Variants in TMEM132B observed in about 807,000 individuals in gnomAD.
The protein encoded by TMEM132B is transmembrane protein 132B.
Under a neutral mutation model 90.8 loss-of-function variants are expected in TMEM132B, and 18 were observed. The ratio of observed to expected loss-of-function variants is 0.20; its 90% CI spans 0.14 to 0.29. The LOEUF is 0.29. Ranked by LOEUF, TMEM132B falls within the 10% of genes least tolerant of loss-of-function variation. TMEM132B has a pLI of 1.00. For missense variants in TMEM132B, 1,096 were observed against 1,326.8 expected (o/e 0.83, Z 2.70); for synonymous variants, 504 against 523.3 (o/e 0.96, Z 0.50).
At chr12:125,208,971 C>T (rs1353714129) in intron 1 of TMEM132B, among the ~76,000 whole-genome samples, 1 of 152,130 alleles carries the variant, frequency 6.6e-6, no homozygotes, top group Non-Finnish European at 1.5e-5. Flanking sequence ...GTAGCTGTGT[C>T]CCCTCTGAGT....
chr12:125,284,709 G>C (rs921312586), intron 1 of TMEM132B, among the ~76,000 whole-genome samples: 3 of 152,172 alleles, frequency 2.0e-5, no homozygotes, highest in Non-Finnish European at 4.4e-5. Flanking sequence ...CGATGCTGCA[G>C]TGTTCTTGTA....
At chr12:125,441,330 TA>T (rs1417960634) in intron 3 of TMEM132B, among the ~76,000 whole-genome samples, 2 of 152,040 alleles carry the variant, frequency 1.3e-5, no homozygotes, top group African/African-American at 2.4e-5. Context: ...CAAAGAAGAG[TA>T]TTTCTATATG....
chr12:125,349,869 C>G lies in TMEM132B; in HGVS notation c.485C>G (p.Pro162Arg), dbSNP rs1219169812. ...WDDSDLTEDL[P>R]CVKMFAFPEA... ...GACAGTGACCTTACGGAAGATCTAC[C>G]CTGTGTCAAGATGTTTGCTTTCCCT... Residue 162 changes from proline (P) to arginine (R), a missense_variant, in exon 2 of 9, where the codon CCC (proline) becomes CGC (arginine). By Grantham distance (103) the Pro-to-Arg change is moderately radical. Transcript: ENST00000682704. This position sits in a 1 kb window ranked among gnomAD's most constrained non-coding sequence, Gnocchi z 4.1. 1.9e-6 allele frequency: 3 copies of G among 1,614,014 alleles called. No homozygotes were observed. The highest frequency in any genetic ancestry group is 1.7e-6 in the Non-Finnish European group (2 of 1,179,988).
At chr12:125,480,931 C>T (rs1301559391) in intron 3 of TMEM132B, among the ~76,000 whole-genome samples, 9 of 152,098 alleles carry the variant, frequency 5.9e-5, no homozygotes, top group Non-Finnish European at 1.0e-4. Flanking sequence ...GGGCTTCATC[C>T]CTGGGATGCA....
chr12:125,483,151 G>A (rs889624756), intron 3 of TMEM132B, among the ~76,000 whole-genome samples: 7 of 151,954 alleles, frequency 4.6e-5, no homozygotes, highest in African/African-American at 1.5e-4. Context: ...TGTAAATGAC[G>A]AGTTAATGGG....
At chr12:125,543,310 TAAA>T (rs1884003228) in intron 4 of TMEM132B, among the ~76,000 whole-genome samples, 1 of 152,052 alleles carries the variant, frequency 6.6e-6, no homozygotes, top group Non-Finnish European at 1.5e-5. Context: ...AACTTAACAA[TAAA>T]AAATAATACA....
At chr12:125,418,517 CT>C (rs569222532) in intron 3 of TMEM132B, among the ~76,000 whole-genome samples, 2 of 152,078 alleles carry the variant, frequency 1.3e-5, no homozygotes, top group Admixed American at 1.3e-4. Context: ...CTTTTTATCC[CT>C]TTTTTTGTTG....
At chr12:125,636,269 C>G (rs143346193) in intron 5 of TMEM132B, among the ~76,000 whole-genome samples, 1 of 152,308 alleles carries the variant, frequency 6.6e-6, no homozygotes, top group African/African-American at 2.4e-5. Context: ...TGGTTACACT[C>G]AGTGCACCAT....
At chr12:125,315,793 G>A (rs757291293) in intron 1 of TMEM132B, among the ~76,000 whole-genome samples, 5 of 152,178 alleles carry the variant, frequency 3.3e-5, no homozygotes, top group Admixed American at 1.3e-4. Flanking sequence ...TCTAAAGATA[G>A]CAGTTGCTAC....
At chr12:125,234,372 C>G (rs921605416) in intron 1 of TMEM132B, among the ~76,000 whole-genome samples, 1 of 152,166 alleles carries the variant, frequency 6.6e-6, no homozygotes, top group Non-Finnish European at 1.5e-5. Context: ...AATGACTCAG[C>G]CCTGTGAACT....
intron 1 of TMEM132B, among the ~76,000 whole-genome samples, chr12:125,317,265 C>T (rs1876307606): frequency 6.6e-6 from 1 of 152,170 alleles, no homozygotes. Flanking sequence ...CGATTGGAAG[C>T]ACCTGGCCTG....
At chr12:125,378,330 G>T (rs549151055) in intron 2 of TMEM132B, among the ~76,000 whole-genome samples, 14 of 152,338 alleles carry the variant, frequency 9.2e-5, no homozygotes, top group African/African-American at 3.4e-4. Context: ...GCTGTGAGCT[G>T]ATATCAGCTG....
At chr12:125,599,306 TC>T (rs563717480) in intron 5 of TMEM132B, among the ~76,000 whole-genome samples, 304 of 152,304 alleles carry the variant, frequency 2.0e-3, no homozygotes, top group African/African-American at 7.2e-3. Context: ...TTGTGAGGCC[TC>T]CCCAGACATG....
intron 1 of TMEM132B, among the ~76,000 whole-genome samples, chr12:125,240,062 G>A (rs1332631248): frequency 6.6e-6 from 1 of 152,206 alleles, no homozygotes; most frequent in Non-Finnish European, 1.5e-5. Flanking sequence ...CCCTGGATCT[G>A]CCATGTGGCT....
intron 3 of TMEM132B, among the ~76,000 whole-genome samples, chr12:125,455,177 T>G (rs1019928719): frequency 6.8e-6 from 1 of 147,196 alleles, no homozygotes; most frequent in Admixed American, 6.8e-5. Flanking sequence ...AACAATGGGG[T>G]GGAGGAAATG....
chr12:125,217,835 C>T (rs1368172163), intron 1 of TMEM132B, among the ~76,000 whole-genome samples: 1 of 152,196 alleles, frequency 6.6e-6, no homozygotes, highest in Non-Finnish European at 1.5e-5. Context: ...AGCAATTGCG[C>T]ACTGAGATGT....
At chr12:125,312,879 TC>T (rs1876155808) in intron 1 of TMEM132B, among the ~76,000 whole-genome samples, 6 of 152,108 alleles carry the variant, frequency 3.9e-5, no homozygotes, top group Admixed American at 2.6e-4. Context: ...GAATGGGCCA[TC>T]CCTAATGAAT....
intron 3 of TMEM132B, among the ~76,000 whole-genome samples, chr12:125,502,876 G>A (rs2136603753): frequency 6.6e-6 from 1 of 152,296 alleles, no homozygotes; most frequent in East Asian, 1.9e-4. Context: ...GGTAGAATTA[G>A]GGATTGAGAA....
chr12:125,287,724 GAACA>G (rs1565993484), intron 1 of TMEM132B, among the ~76,000 whole-genome samples: 2 of 148,676 alleles, frequency 1.3e-5, no homozygotes, highest in Admixed American at 6.7e-5. Context: ...ATCGCTTCCA[GAACA>G]AACAAATGCA....
Sources: gnomAD v4.1 joint callset for allele counts (sites outside exome capture counted in the v4.1 genomes callset) on GRCh38, gnomAD v4.1.1 for gene constraint, Gnocchi (gnomAD v3.1) non-coding constraint, MANE v1.5 for transcripts, NCBI Gene and HGNC (gene_info 2026-07-23, HGNC 2026-07-21) for gene names.